The following TMBIM4 variants were observed in gnomAD, a reference collection of about 807,000 sequenced individuals.
The protein encoded by TMBIM4 is protein lifeguard 4.
TMBIM4 carries 28 observed loss-of-function variants against 27.7 expected under a neutral mutation model. That is an observed-to-expected ratio of 1.01 (90% CI 0.75 to 1.38). The LOEUF (loss-of-function observed/expected upper bound fraction) is 1.38, where lower values mean the gene tolerates loss of function less well. Among genes scored for constraint, TMBIM4 ranks in the 40% most tolerant of loss-of-function variants. TMBIM4 has a pLI of 0.00. For missense variants in TMBIM4, 265 were observed against 277.5 expected (o/e 0.95, Z 0.32); for synonymous variants, 115 against 113.1 (o/e 1.02, Z -0.11).
rs12820938 is a variant in TMBIM4, at chr12:66,161,042, A to G, written c.98-7594T>C. The G allele has an allele frequency of 0.01, 1,154 of 111,078 alleles. No homozygotes were observed. The East Asian group carries it at 0.11, about 11-fold the overall frequency. The allele number at this position is 111,078 out of a possible 1,614,324, so 6.9% of individuals were successfully genotyped here. A position where few individuals can be genotyped will look rare whatever the true frequency, so the allele number is the denominator to read the frequency against. ...CGCTCCTCACATCCCAGTCAGTTGG[A>G]CGGCCGGGCAGAGGAACTCCTCACT... On this transcript the variant is annotated intron_variant, in intron 1 of 6. Coordinates refer to ENST00000358230, the MANE Select transcript of TMBIM4 (RefSeq NM_016056.4).
intron 5 of TMBIM4, 76 bp from the exon 6 acceptor site, chr12:66,138,845 T>C (rs545806576): frequency 1.5e-6 from 2 of 1,368,772 alleles, no homozygotes; most frequent in Admixed American, 3.0e-5. Flanking sequence ...CAACACTTTC[T>C]GAAAAAAACA....
At chr12:66,143,181 T>C (rs967701804) in intron 5 of TMBIM4, among the ~76,000 whole-genome samples, 1 of 152,176 alleles carries the variant, frequency 6.6e-6, no homozygotes, top group East Asian at 1.9e-4. Flanking sequence ...TCTGCCTAAG[T>C]TGTTAGTTCA....
intron 1 of TMBIM4, among the ~76,000 whole-genome samples, chr12:66,159,715 C>G (rs1041194230): frequency 6.6e-6 from 1 of 152,204 alleles, no homozygotes; most frequent in African/African-American, 2.4e-5. Flanking sequence ...ACTAAAATAG[C>G]TGCCACCCTA....
chr12:66,148,026 C>G (rs1476385927), intron 3 of TMBIM4, 85 bp from the exon 4 acceptor site: 5 of 1,260,606 alleles, frequency 4.0e-6, no homozygotes, highest in Non-Finnish European at 4.5e-6. Context: ...TTAATGTGAT[C>G]CCATATGAAT....
intron 2 of TMBIM4, among the ~76,000 whole-genome samples, chr12:66,152,806 G>A (rs2051869741): frequency 1.3e-5 from 2 of 151,968 alleles, no homozygotes; most frequent in Non-Finnish European, 2.9e-5. Flanking sequence ...GAGAAGGGAA[G>A]GGAGGACAGA....
At position 66,169,900 on chromosome 12, in the gene TMBIM4, T is replaced by C; in HGVS notation, c.52A>G (p.Asn18Asp). Residue 18 changes from asparagine to aspartate, a missense_variant, in exon 1 of 7, where the codon AAC becomes GAC. By Grantham distance (23) the Asn-to-Asp change is conservative. Coordinates refer to ENST00000358230, the MANE Select transcript of TMBIM4 (RefSeq NM_016056.4). ...YPRSSIEDDF[N>D]YGSSVASATV... The stretch of plus-strand genomic sequence containing the variant: ...GCGGAGGCCACGCTGCTGCCATAGT[T>C]GAAGTCGTCCTCGATCGAGGAGCGA... 6.7e-7 allele frequency: 1 copy of C among 1,500,508 alleles called. No individual in the cohort carries two copies. Among genetic ancestry groups the C allele is most frequent in the Middle Eastern group, 1.7e-4 (1 of 5,838 alleles). The allele number at this position is 1,500,508 out of a possible 1,614,324, so 92.9% of individuals were successfully genotyped here.
At chr12:66,140,638 G>C (rs1253806316) in intron 5 of TMBIM4, among the ~76,000 whole-genome samples, 1 of 152,088 alleles carries the variant, frequency 6.6e-6, no homozygotes, top group Non-Finnish European at 1.5e-5. Flanking sequence ...ACAGTGGTGT[G>C]TGCCTGTAAT....
In TMBIM4 at chr12:66,152,373, A is replaced by T; in HGVS notation, c.210T>A (p.Pro70=). 5 of 1,603,988 alleles carry T rather than the reference A, an allele frequency of 3.1e-6. No homozygotes were observed. The highest frequency in any genetic ancestry group is 4.3e-6 in the Non-Finnish European group (5 of 1,173,498). ...CGAGGGCAAACAGCAAAATTAAGGC[A>T]GGACTGAAAGACATAATATTAAGTG... ...ESVRTFVHES[P]ALILLFALGS... is the part of the protein sequence containing the mutation. The change falls in exon 3 of 7, where the codon CCT becomes CCA. Residue 70 remains proline, a synonymous_variant. Coordinates refer to ENST00000358230, the MANE Select transcript of TMBIM4 (RefSeq NM_016056.4).
At chr12:66,153,112 A>G (rs1370126) in intron 2 of TMBIM4, among the ~76,000 whole-genome samples, 78,204 of 151,888 alleles carry the variant, frequency 0.51, 21,582 homozygotes, top group East Asian at 0.85. Context: ...AATTTTTACC[A>G]AGGGTTTAAC....
At position 66,138,000 on chromosome 12, in the gene TMBIM4, AG is replaced by A. The variant is rs760845223; in HGVS notation, c.676del (p.Leu226CysfsTer15). On this transcript the variant is annotated frameshift_variant, in exon 7 of 7. Transcript: ENST00000358230. LOFTEE classifies it high-confidence loss of function. The stretch of plus-strand genomic sequence containing the variant: ...TGCTTCCAGAAACCGTAACAGGTGC[AG>A]GAATAGATTGATGATATCCAAGTAG... ...SLYLDIINLF[L>X]HLLRFLEAVN... The A allele has an allele frequency of 3.1e-6, 5 of 1,614,092 alleles. No homozygotes were observed. Among genetic ancestry groups the A allele is most frequent in the Non-Finnish European group, 2.5e-6 (3 of 1,180,010 alleles).
At chr12:66,151,506 T>C (rs2051845093) in intron 3 of TMBIM4, among the ~76,000 whole-genome samples, 1 of 152,218 alleles carries the variant, frequency 6.6e-6, no homozygotes, top group South Asian at 2.1e-4. Context: ...TCCAGAGTGC[T>C]GGGATTACAG....
At chr12:66,149,659 C>T (rs533373082) in intron 3 of TMBIM4, among the ~76,000 whole-genome samples, 2 of 152,018 alleles carry the variant, frequency 1.3e-5, no homozygotes, top group South Asian at 2.1e-4. Context: ...ACATGCTCCT[C>T]GAGTTACAAT....
At position 66,142,407 on chromosome 12, in the gene TMBIM4, C is replaced by T. The variant is rs2051682238; in HGVS notation, c.464+3434G>A. 2.0e-5 allele frequency among the ~76,000 whole-genome samples: 3 copies of T among 150,260 alleles called. No individual in the cohort carries two copies. The Admixed American group carries it at 2.0e-4, about 10-fold the overall frequency. ...AGAACTTACAGCATCCGAGATATTACCCTACTTGCAGGCTAACAAGTTAGC... is the reference window on the plus strand; with the variant it reads ...AGAACTTACAGCATCCGAGATATTATCCTACTTGCAGGCTAACAAGTTAGC... On this transcript the variant is annotated intron_variant, in intron 5 of 6. Coordinates refer to ENST00000358230, the MANE Select transcript of TMBIM4 (RefSeq NM_016056.4).
rs373453988 is a variant in TMBIM4, at chr12:66,152,263, G to A, written c.312+8C>T. Reference sequence around the variant, plus strand: ...TGTTAAGGGAATAGAGAAAGTCAGAGTACTCACAAATCCAAAAAGTAGGTA... The same window carrying A: ...TGTTAAGGGAATAGAGAAAGTCAGAATACTCACAAATCCAAAAAGTAGGTA... On this transcript the variant is annotated splice_region_variant and intron_variant, in intron 3 of 6. Transcript: ENST00000358230. The A allele has an allele frequency of 1.3e-4, 196 of 1,531,062 alleles. No homozygotes were observed. The highest frequency in any genetic ancestry group is 1.7e-4 in the Non-Finnish European group (191 of 1,119,802). The allele number at this position is 1,531,062 out of a possible 1,614,324, so 94.8% of individuals were successfully genotyped here.
chr12:66,162,718 A>G (rs116954047), intron 1 of TMBIM4, among the ~76,000 whole-genome samples: 1,756 of 152,004 alleles, frequency 0.012, 13 homozygotes, highest in Middle Eastern at 0.041. Flanking sequence ...TTTGTTCCTC[A>G]GACATACTGC....
In TMBIM4 at chr12:66,145,938, T is replaced by C. The variant is rs2051744585; in HGVS notation, c.367A>G (p.Ile123Val). The stretch of plus-strand genomic sequence containing the variant: ...GTCAGTATGAAAGCTTGCAGAATAA[T>C]ATATACATCATAGAAAGTAACTGTA... Reference protein sequence around the residue: ...AVVVTFYDVYIILQAFILTTT... With the variant: ...AVVVTFYDVYVILQAFILTTT... Residue 123 changes from isoleucine to valine, a missense_variant, in exon 5 of 7, where the codon ATT (isoleucine) becomes GTT (valine). Ile to Val is a conservative substitution (Grantham distance 29). Transcript: ENST00000358230. 6.4e-7 allele frequency: 1 copy of C among 1,564,552 alleles called. No individual in the cohort carries two copies. Among genetic ancestry groups the C allele is most frequent in the African/African-American group, 1.4e-5 (1 of 73,598 alleles).
chr12:66,150,785 ACT>A (rs1221923550), intron 3 of TMBIM4, among the ~76,000 whole-genome samples: 1 of 152,118 alleles, frequency 6.6e-6, no homozygotes, highest in African/African-American at 2.4e-5. Context: ...AAGTTAAATG[ACT>A]CTGGGGGCAA....
chr12:66,148,439 C>G (rs2051787317), intron 3 of TMBIM4, among the ~76,000 whole-genome samples: 1 of 152,078 alleles, frequency 6.6e-6, no homozygotes, highest in Non-Finnish European at 1.5e-5. Flanking sequence ...TGCATTTTTT[C>G]AGTCTCCTTT....
Position 66,169,209 on chromosome 12 carries a change from A to G in TMBIM4, c.97+646T>C, listed in dbSNP as rs2052188841. On this transcript the variant is annotated intron_variant, in intron 1 of 6. Coordinates refer to ENST00000358230, the MANE Select transcript of TMBIM4 (RefSeq NM_016056.4). ...CTAGAGCAGGCAATGGCTTCCACGTAGATGAAGCTGAGCATTTTAAATTCA... is the reference window on the plus strand; with the variant it reads ...CTAGAGCAGGCAATGGCTTCCACGTGGATGAAGCTGAGCATTTTAAATTCA... 4.3e-6 allele frequency: 3 copies of G among 693,520 alleles called. 1 individual carries two copies. The South Asian group carries it at 4.5e-5, about 11-fold the overall frequency. 43.0% of individuals were successfully genotyped at this position (693,520 alleles called of 1,614,324 possible). A position where few individuals can be genotyped will look rare whatever the true frequency, so the allele number is the denominator to read the frequency against.
Sources: gnomAD v4.1 joint callset for allele counts (sites outside exome capture counted in the v4.1 genomes callset) on GRCh38, gnomAD v4.1.1 for gene constraint, MANE v1.5 for transcripts, NCBI Gene and HGNC (gene_info 2026-07-23, HGNC 2026-07-21) for gene names.